The following XKR4 variants were observed in gnomAD, a reference collection of about 807,000 sequenced individuals.
XKR4 encodes XK related 4, also known as XK-related protein 4.
A neutral mutation model predicts 53.9 loss-of-function variants in XKR4; 12 were observed. The ratio of observed to expected loss-of-function variants is 0.22; its 90% CI spans 0.14 to 0.36. The LOEUF (loss-of-function observed/expected upper bound fraction) is 0.36. Among genes scored for constraint, XKR4 ranks in the 10% least tolerant of loss-of-function variants. The pLI, the probability that XKR4 is intolerant of heterozygous loss-of-function variation, is 1.00. For synonymous variants in XKR4, 354 were observed against 362.4 expected (o/e 0.98, Z 0.26); for missense variants, 799 against 859.5 (o/e 0.93, Z 0.88).
In XKR4 at chr8:55,161,316, G is replaced by GA. The variant is rs3830235; in HGVS notation, c.806+58023dup. On this transcript the variant is annotated intron_variant, in intron 1 of 2. Coordinates refer to ENST00000327381, the MANE Select transcript of XKR4 (RefSeq NM_052898.2). ...GCAGACATCTTTCCCAGAAAAAAAA[G>GA]AGATGCAGATTTAGACTTATTCAAA... Among the ~76,000 whole-genome samples the GA allele has an allele frequency of 2.7e-4, 41 of 152,278 alleles. No homozygotes were observed. In the South Asian group the frequency reaches 8.5e-3, roughly 32 times the overall value.
chr8:55,128,671 C>T (rs1165355857), intron 1 of XKR4, among the ~76,000 whole-genome samples: 1 of 152,202 alleles, frequency 6.6e-6, no homozygotes, highest in Non-Finnish European at 1.5e-5. Flanking sequence ...GAAAAAAACA[C>T]AAAAACCAGC....
chr8:55,115,569 G>A (rs1816294086), intron 1 of XKR4, among the ~76,000 whole-genome samples: 1 of 152,160 alleles, frequency 6.6e-6, no homozygotes, highest in African/African-American at 2.4e-5. Flanking sequence ...CGGATCATGA[G>A]GTCAAGAGAT....
At chr8:55,152,180 A>G (rs1405993806) in intron 1 of XKR4, among the ~76,000 whole-genome samples, 2 of 152,220 alleles carry the variant, frequency 1.3e-5, no homozygotes, top group African/African-American at 2.4e-5. Context: ...GAATATTAGC[A>G]AAATAAGGTG....
At chr8:55,497,520 A>G (rs567615370) in intron 2 of XKR4, among the ~76,000 whole-genome samples, 2 of 152,294 alleles carry the variant, frequency 1.3e-5, no homozygotes, top group South Asian at 4.2e-4. Flanking sequence ...AATAAGTCCC[A>G]TTGTTATCTT....
At chr8:55,231,260 G>A (rs1229820173) in intron 1 of XKR4, among the ~76,000 whole-genome samples, 1 of 152,168 alleles carries the variant, frequency 6.6e-6, no homozygotes, top group Admixed American at 6.5e-5. Flanking sequence ...AAGTACGTAC[G>A]CAATTGAAAC....
intron 1 of XKR4, among the ~76,000 whole-genome samples, chr8:55,303,567 G>A (rs1034290566): frequency 3.3e-5 from 5 of 152,212 alleles, no homozygotes; most frequent in Non-Finnish European, 5.9e-5. Context: ...GTTTCAGAAG[G>A]AATGGTACCA....
chr8:55,457,795 A>G (rs942716842), intron 2 of XKR4, among the ~76,000 whole-genome samples: 7 of 152,272 alleles, frequency 4.6e-5, no homozygotes, highest in Non-Finnish European at 8.8e-5. Flanking sequence ...TTAAAGTTTT[A>G]CATATTCATA....
intron 1 of XKR4, among the ~76,000 whole-genome samples, chr8:55,237,498 C>T (rs1400554222): frequency 6.6e-6 from 1 of 152,190 alleles, no homozygotes; most frequent in African/African-American, 2.4e-5. Flanking sequence ...TAAAGTTCTT[C>T]ATGCTCATTA....
intron 1 of XKR4, among the ~76,000 whole-genome samples, chr8:55,289,285 G>A (rs1371404627): frequency 1.3e-5 from 2 of 152,016 alleles, no homozygotes; most frequent in African/African-American, 2.4e-5. Context: ...GGGAGACCAA[G>A]GAGGGTGGAT....
chr8:55,468,654 A>C lies in XKR4; in HGVS notation c.1007-54627A>C, dbSNP rs537389893. ...TCAAATCTCTCCTTTTTTATAGATG[A>C]ATGAATCATAATATAAGGATATAAG... On this transcript the variant is annotated intron_variant, in intron 2 of 2. Coordinates refer to ENST00000327381, the MANE Select transcript of XKR4 (RefSeq NM_052898.2). Among the ~76,000 whole-genome samples, 15 of 152,258 alleles carry C rather than the reference A, an allele frequency of 9.9e-5. No individual in the cohort carries two copies. In the East Asian group the frequency reaches 2.9e-3, roughly 29 times the overall value.
At chr8:55,110,164 G>A (rs1455102369) in intron 1 of XKR4, among the ~76,000 whole-genome samples, 1 of 152,180 alleles carries the variant, frequency 6.6e-6, no homozygotes, top group Non-Finnish European at 1.5e-5. Context: ...AGGAGGGAAT[G>A]TTTTATCAGG....
At chr8:55,452,719 C>T in intron 2 of XKR4, 1 of 1,030,600 alleles carries the variant, frequency 9.7e-7, no homozygotes, top group Non-Finnish European at 1.5e-6. Context: ...ACCACAGCCC[C>T]AGCTACATTG....
intron 1 of XKR4, among the ~76,000 whole-genome samples, chr8:55,111,560 A>G (rs9643484): frequency 0.78 from 119,434 of 152,186 alleles, 47,188 homozygotes; most frequent in East Asian, 0.93. Context: ...ACATAATGCA[A>G]TTAACCTTAT....
intron 1 of XKR4, among the ~76,000 whole-genome samples, chr8:55,286,606 C>T (rs1478047596): frequency 6.6e-6 from 1 of 152,164 alleles, no homozygotes; most frequent in Non-Finnish European, 1.5e-5. Context: ...TGTTGGAGGT[C>T]CCAGGGCAGG....
At chr8:55,346,685 A>ATGTGTGTGTGTGTGTGTGTG (rs10685965) in intron 1 of XKR4, among the ~76,000 whole-genome samples, 24 of 138,474 alleles carry the variant, frequency 1.7e-4, no homozygotes, top group African/African-American at 5.7e-4. Context: ...TGTTGAGGTT[A>ATGTGTGTGTGTGTGTGTGTG]TGTGTGTGTG....
intron 2 of XKR4, among the ~76,000 whole-genome samples, chr8:55,460,942 C>T (rs899548914): frequency 3.9e-5 from 6 of 152,224 alleles, no homozygotes; most frequent in Admixed American, 2.0e-4. Flanking sequence ...GAGGGGCACC[C>T]GCCATTGCTC....
intron 2 of XKR4, among the ~76,000 whole-genome samples, chr8:55,422,929 A>G (rs1804956978): frequency 1.3e-5 from 2 of 152,198 alleles, no homozygotes; most frequent in South Asian, 4.1e-4. Context: ...ACATCAATAC[A>G]GATATGAATG....
In XKR4 at chr8:55,491,050, A is replaced by G. The variant is rs901607220; in HGVS notation, c.1007-32231A>G. ...CCTTTTTCTCTCTGTGCTTCAGTCT[A>G]GATGGTTTCTATTCCTATGTATTCA... On this transcript the variant is annotated intron_variant, in intron 2 of 2. Transcript: ENST00000327381. 1.4e-4 allele frequency among the ~76,000 whole-genome samples: 21 copies of G among 151,350 alleles called. 1 individual carries two copies. Among genetic ancestry groups the G allele is most frequent in the Admixed American group, 9.9e-4 (15 of 15,104 alleles).
chr8:55,453,852 C>T (rs879939616), intron 2 of XKR4: 20 of 527,022 alleles, frequency 3.8e-5, no homozygotes, highest in Non-Finnish European at 5.9e-5. Context: ...GCCACCAGCT[C>T]ATCAAACAGG....
Sources: allele counts gnomAD v4.1 joint callset (sites outside exome capture counted in the v4.1 genomes callset), GRCh38; gene constraint gnomAD v4.1.1; transcripts MANE v1.5; gene names NCBI Gene and HGNC (gene_info 2026-07-23, HGNC 2026-07-21).